GALNT2: variants seen among roughly 807,000 people sequenced by gnomAD.
The protein encoded by GALNT2 is polypeptide N-acetylgalactosaminyltransferase 2.
GALNT2 carries 31 observed loss-of-function variants against 81.4 expected under a neutral mutation model. That is an observed-to-expected ratio of 0.38 (90% CI 0.29 to 0.51). The LOEUF (loss-of-function observed/expected upper bound fraction) is 0.51, where lower values mean the gene tolerates loss of function less well. GALNT2 is among the 20% of genes least tolerant of loss of function. The pLI is 0.87. For synonymous variants in GALNT2, 303 were observed against 287.4 expected, an observed-to-expected ratio of 1.05 and a Z score of -0.55; for missense variants, 629 against 765.7, an observed-to-expected ratio of 0.82 and a Z score of 2.11.
At chr1:230,151,563 C>T (rs780204671) in intron 1 of GALNT2, among the ~76,000 whole-genome samples, 16 of 152,344 alleles carry the variant, frequency 1.1e-4, no homozygotes, top group African/African-American at 3.6e-4. Flanking sequence ...TTCTGATTCT[C>T]TCTACAGCAG....
rs1164285266 is a variant in GALNT2 at position 230,243,492 on chromosome 1, G to A, written c.729+65G>A. 2 of 1,589,376 alleles carry A rather than the reference G, an allele frequency of 1.3e-6. No individual in the cohort carries two copies. Among genetic ancestry groups the A allele is most frequent in the Non-Finnish European group, 1.7e-6 (2 of 1,173,084 alleles). ...TGGTTGGTAGAGGGGACAGAAGGGA[G>A]CATGGTCCAGGGGAGGTGTAACGCA... On this transcript the variant is annotated intron_variant, in intron 7 of 15. Transcript: ENST00000366672. The surrounding 1 kb of genome is among the most constrained non-coding windows in gnomAD (Gnocchi z 4.2).
At chr1:230,155,424 C>T (rs1169500792) in intron 1 of GALNT2, among the ~76,000 whole-genome samples, 1 of 152,210 alleles carries the variant, frequency 6.6e-6, no homozygotes, top group Non-Finnish European at 1.5e-5. Flanking sequence ...AGCTGGCTGT[C>T]CTTGAACTGA....
intron 2 of GALNT2, 66 bp from the exon 3 acceptor site, chr1:230,203,071 C>T: frequency 6.6e-7 from 1 of 1,514,874 alleles, no homozygotes; most frequent in Non-Finnish European, 9.0e-7. Context: ...ACACTTACTG[C>T]AGTCTCTGTG....
intron 1 of GALNT2, among the ~76,000 whole-genome samples, chr1:230,116,891 A>T (rs1399481564): frequency 6.6e-6 from 1 of 152,206 alleles, no homozygotes; most frequent in Non-Finnish European, 1.5e-5. Flanking sequence ...GCATCAATGT[A>T]AAGTCACCAG....
intron 1 of GALNT2, among the ~76,000 whole-genome samples, chr1:230,140,597 T>G (rs907955601): frequency 1.3e-5 from 2 of 152,232 alleles, no homozygotes; most frequent in Non-Finnish European, 2.9e-5. Context: ...CAGCCTGTGC[T>G]TCCTGGAGTG....
chr1:230,132,027 A>C lies in GALNT2; in HGVS notation c.127-46191A>C, dbSNP rs573257291. Among the ~76,000 whole-genome samples, 11 of 152,248 alleles carry C rather than the reference A, an allele frequency of 7.2e-5. No homozygotes were observed. In the South Asian group the frequency reaches 8.3e-4, roughly 11 times the overall value. Reference sequence around the variant, plus strand: ...ACCCAATAAATAGGAAGGGCTGTAGAAGCTTAGGGGGGCTGCCTTTGCTCA... The same window carrying C: ...ACCCAATAAATAGGAAGGGCTGTAGCAGCTTAGGGGGGCTGCCTTTGCTCA... On this transcript the variant is annotated intron_variant, in intron 1 of 15. Transcript: ENST00000366672.
intron 3 of GALNT2, among the ~76,000 whole-genome samples, chr1:230,210,684 A>C (rs967920667): frequency 2.6e-5 from 4 of 152,194 alleles, no homozygotes; most frequent in Admixed American, 2.6e-4. Context: ...TATTTTGACC[A>C]CTTTTGAAAT....
chr1:230,174,554 A>G (rs1572049576), intron 1 of GALNT2, among the ~76,000 whole-genome samples: 1 of 152,196 alleles, frequency 6.6e-6, no homozygotes, highest in East Asian at 1.9e-4. Context: ...ACACCTGTGT[A>G]GGAAGTGCTG....
chr1:230,266,899 A>G (rs1666051112), intron 14 of GALNT2, among the ~76,000 whole-genome samples: 3 of 152,242 alleles, frequency 2.0e-5, no homozygotes, highest in South Asian at 4.1e-4. Context: ...GGTTCAGAAT[A>G]GCTAAATGTG....
At chr1:230,236,845 A>G in intron 6 of GALNT2, 120 bp downstream of exon 6, 1 of 923,876 alleles carries the variant, frequency 1.1e-6, no homozygotes, top group Non-Finnish European at 1.6e-6. Context: ...GTCTCCCTCT[A>G]CCAGAGCCGC....
intron 11 of GALNT2, among the ~76,000 whole-genome samples, chr1:230,258,101 G>C (rs1024799083): frequency 2.0e-5 from 3 of 152,134 alleles, no homozygotes; most frequent in Non-Finnish European, 4.4e-5. Context: ...TTTTAGTAGA[G>C]ACAGGGTTTC....
intron 1 of GALNT2, among the ~76,000 whole-genome samples, chr1:230,118,348 A>G (rs1660910598): frequency 6.6e-6 from 1 of 152,172 alleles, no homozygotes; most frequent in African/African-American, 2.4e-5. Context: ...TAAGTTTTCA[A>G]CTCCTTTGGA....
At chr1:230,150,794 C>T (rs995472858) in intron 1 of GALNT2, among the ~76,000 whole-genome samples, 6 of 152,218 alleles carry the variant, frequency 3.9e-5, no homozygotes, top group African/African-American at 2.4e-5. Context: ...AGGGATTTGG[C>T]GTTCAGAATG....
At chr1:230,151,308 A>G (rs566085183) in intron 1 of GALNT2, among the ~76,000 whole-genome samples, 1 of 152,322 alleles carries the variant, frequency 6.6e-6, no homozygotes, top group African/African-American at 2.4e-5. Flanking sequence ...CACCGTTGAC[A>G]TCGCAGCACA....
intron 2 of GALNT2, among the ~76,000 whole-genome samples, chr1:230,198,756 T>C (rs1482958376): frequency 2.0e-5 from 3 of 152,188 alleles, no homozygotes; most frequent in Admixed American, 1.3e-4. Flanking sequence ...GCTGGTAAGG[T>C]CAAACAATTC....
intron 3 of GALNT2, among the ~76,000 whole-genome samples, chr1:230,206,513 A>G (rs1487323672): frequency 1.3e-5 from 2 of 152,184 alleles, no homozygotes; most frequent in African/African-American, 4.8e-5. Context: ...TAATGTCTCA[A>G]AGTGTAAGCT....
chr1:230,171,752 G>A (rs1343594052), intron 1 of GALNT2, among the ~76,000 whole-genome samples: 1 of 152,156 alleles, frequency 6.6e-6, no homozygotes, highest in East Asian at 1.9e-4. Context: ...CTAGTTTTAT[G>A]TATGTAAGCA....
intron 1 of GALNT2, among the ~76,000 whole-genome samples, chr1:230,114,819 C>A (rs1019578867): frequency 1.3e-5 from 2 of 152,042 alleles, no homozygotes; most frequent in African/African-American, 4.8e-5. Flanking sequence ...TTTCAATAGG[C>A]TTTATTTTTT....
chr1:230,076,866 A>G (rs575869054), intron 1 of GALNT2, among the ~76,000 whole-genome samples: 3 of 152,284 alleles, frequency 2.0e-5, no homozygotes, highest in Non-Finnish European at 2.9e-5. Flanking sequence ...AGAGGCCTTC[A>G]CATTCAAGAG....
Sources: gnomAD v4.1 joint callset for allele counts (sites outside exome capture counted in the v4.1 genomes callset) on GRCh38, gnomAD v4.1.1 for gene constraint, Gnocchi (gnomAD v3.1) non-coding constraint, MANE v1.5 for transcripts, NCBI Gene and HGNC (gene_info 2026-07-23, HGNC 2026-07-21) for gene names.